The following GRID1 variants were observed in gnomAD, a reference collection of about 807,000 sequenced individuals.
GRID1 encodes glutamate ionotropic receptor delta type subunit 1.
Under a neutral mutation model 98.0 loss-of-function variants are expected in GRID1, and 28 were observed. The observed-to-expected ratio is 0.29, with a 90% CI of 0.21 to 0.39. The LOEUF (loss-of-function observed/expected upper bound fraction) is 0.39. Among genes scored for constraint, GRID1 ranks in the 10% least tolerant of loss-of-function variants. The pLI is 1.00. For synonymous variants in GRID1, 553 were observed against 538.5 expected (o/e 1.03, Z -0.37); for missense variants, 1,111 against 1,340.5 (o/e 0.83, Z 2.67).
At chr10:85,638,861 C>T (rs187725694) in intron 13 of GRID1, among the ~76,000 whole-genome samples, 1 of 152,104 alleles carries the variant, frequency 6.6e-6, no homozygotes, top group African/African-American at 2.4e-5. Flanking sequence ...CAAAGAGAAG[C>T]AAATTAAAAT....
Position 85,632,349 on chromosome 10 carries a change from C to T in GRID1, c.2194-12316G>A, listed in dbSNP as rs538541873. Among the ~76,000 whole-genome samples the T allele has an allele frequency of 9.2e-5, 14 of 152,256 alleles. No homozygotes were observed. The East Asian group carries it at 1.9e-3, about 21-fold the overall frequency. ...AAAACAACAATCATGACAATAAGCACCATTTGTTCAAGCAAATGTTCTCAA... is the reference window on the plus strand; with the variant it reads ...AAAACAACAATCATGACAATAAGCATCATTTGTTCAAGCAAATGTTCTCAA... On this transcript the variant is annotated intron_variant, in intron 13 of 15. Coordinates refer to ENST00000327946, the MANE Select transcript of GRID1 (RefSeq NM_017551.3).
chr10:85,937,654 C>A (rs1238648905), intron 4 of GRID1, among the ~76,000 whole-genome samples: 1 of 152,180 alleles, frequency 6.6e-6, no homozygotes, highest in East Asian at 1.9e-4. Flanking sequence ...AATGCCTAAC[C>A]CCATAGCTTT....
At chr10:85,779,422 GCTCA>G (rs1842362224) in intron 8 of GRID1, among the ~76,000 whole-genome samples, 2 of 152,110 alleles carry the variant, frequency 1.3e-5, no homozygotes, top group Non-Finnish European at 2.9e-5. Context: ...GGCATCAGAT[GCTCA>G]CTGAGTACCC....
At chr10:85,712,223 T>C (rs531276264) in intron 12 of GRID1, among the ~76,000 whole-genome samples, 1 of 151,900 alleles carries the variant, frequency 6.6e-6, no homozygotes, top group South Asian at 2.1e-4. Context: ...ATTAGCATAA[T>C]GATTTAAAAA....
chr10:86,214,736 GC>G (rs1372174805), intron 2 of GRID1, among the ~76,000 whole-genome samples: 2 of 152,156 alleles, frequency 1.3e-5, no homozygotes, highest in Admixed American at 1.3e-4. Flanking sequence ...GGGCATGGTG[GC>G]CCATGCCTAT....
At chr10:86,316,581 G>A (rs571816257) in intron 2 of GRID1, among the ~76,000 whole-genome samples, 1 of 152,374 alleles carries the variant, frequency 6.6e-6, no homozygotes, top group South Asian at 2.1e-4. Context: ...GGCTCGGGAG[G>A]GCAGAGCCCC....
At chr10:86,364,231 G>A (rs147958630) in intron 1 of GRID1, 135 bp from the exon 2 acceptor site, 6 of 694,576 alleles carry the variant, frequency 8.6e-6, no homozygotes, top group African/African-American at 7.1e-5. Context: ...TCAGCTTGGC[G>A]GGGTAGATTA....
At chr10:85,970,756 T>C (rs1842397790) in intron 4 of GRID1, among the ~76,000 whole-genome samples, 1 of 152,050 alleles carries the variant, frequency 6.6e-6, no homozygotes, top group South Asian at 2.1e-4. Context: ...GTTTTTCCCC[T>C]AAGACAAGGA....
At chr10:85,722,363 A>G (rs1841713780) in intron 12 of GRID1, among the ~76,000 whole-genome samples, 1 of 152,238 alleles carries the variant, frequency 6.6e-6, no homozygotes, top group African/African-American at 2.4e-5. Context: ...CCACACATCC[A>G]ACCAAATTCA....
intron 4 of GRID1, among the ~76,000 whole-genome samples, chr10:85,922,095 T>A (rs1295908941): frequency 6.6e-6 from 1 of 152,246 alleles, no homozygotes; most frequent in African/African-American, 2.4e-5. Context: ...AAGCCTGTGT[T>A]CTTTCCTTTG....
chr10:86,347,544 C>T lies in GRID1; in HGVS notation c.235+16397G>A, dbSNP rs149953210. 3.7e-3 allele frequency among the ~76,000 whole-genome samples: 570 copies of T among 152,300 alleles called. 3 individuals are homozygous for T. Among genetic ancestry groups the T allele is most frequent in the Middle Eastern group, 0.01 (3 of 294 alleles). On this transcript the variant is annotated intron_variant, in intron 2 of 15. Transcript: ENST00000327946. ...TTAAATAATCCCCCTCTTCCAGGGG[C>T]AAGTGGCCAGGGGGCTGGGCTCATT...
chr10:85,863,920 G>A (rs1472238768), intron 6 of GRID1, among the ~76,000 whole-genome samples: 2 of 152,202 alleles, frequency 1.3e-5, no homozygotes, highest in African/African-American at 4.8e-5. Context: ...TGGAGGAGAA[G>A]GAAGATGAAT....
chr10:86,071,619 A>G (rs1425371772), intron 4 of GRID1, among the ~76,000 whole-genome samples: 2 of 152,132 alleles, frequency 1.3e-5, no homozygotes, highest in Non-Finnish European at 2.9e-5. Flanking sequence ...GCCAACATTG[A>G]CATCTTTCTT....
intron 3 of GRID1, among the ~76,000 whole-genome samples, chr10:86,199,708 T>C (rs1221709766): frequency 6.6e-6 from 1 of 152,050 alleles, no homozygotes; most frequent in African/African-American, 2.4e-5. Context: ...GACGCCTGGG[T>C]CATCTGGGAA....
intron 2 of GRID1, among the ~76,000 whole-genome samples, chr10:86,222,095 C>A (rs958371354): frequency 1.3e-5 from 2 of 152,212 alleles, no homozygotes; most frequent in African/African-American, 4.8e-5. Context: ...GGGAAGGGCA[C>A]CTACCACGCG....
At chr10:85,826,136 G>T (rs969927524) in intron 8 of GRID1, among the ~76,000 whole-genome samples, 3 of 151,936 alleles carry the variant, frequency 2.0e-5, no homozygotes, top group African/African-American at 7.3e-5. Context: ...AGACCAGCCT[G>T]ACCAACATGG....
At chr10:85,641,908 C>T (rs563544036) in intron 13 of GRID1, among the ~76,000 whole-genome samples, 2 of 152,234 alleles carry the variant, frequency 1.3e-5, no homozygotes, top group East Asian at 1.9e-4. Context: ...ACTAGAGGCA[C>T]CTATGAGCTG....
At chr10:86,204,454 C>T (rs1174675128) in intron 3 of GRID1, among the ~76,000 whole-genome samples, 1 of 152,188 alleles carries the variant, frequency 6.6e-6, no homozygotes, top group East Asian at 1.9e-4. Context: ...GCAGGACGAG[C>T]ATGTCTGCGA....
chr10:86,291,219 C>T lies in GRID1; in HGVS notation c.235+72722G>A, dbSNP rs114201736. ...AGAGCCCAGAGGGCCTCCAGATCCA[C>T]AGCGCGGTGCACAGAGCACACAACA... On this transcript the variant is annotated intron_variant, in intron 2 of 15. Coordinates refer to ENST00000327946, the MANE Select transcript of GRID1 (RefSeq NM_017551.3). Among the ~76,000 whole-genome samples, 1,341 of 152,302 alleles carry T rather than the reference C, an allele frequency of 8.8e-3. 20 individuals carry two copies. The highest frequency in any genetic ancestry group is 0.029 in the African/African-American group (1,225 of 41,560).
Sources: gnomAD v4.1 joint callset for allele counts (sites outside exome capture counted in the v4.1 genomes callset) on GRCh38, gnomAD v4.1.1 for gene constraint, MANE v1.5 for transcripts, NCBI Gene and HGNC (gene_info 2026-07-23, HGNC 2026-07-21) for gene names.